The following SCUBE1 variants were observed in gnomAD, a reference collection of about 807,000 sequenced individuals.
SCUBE1 encodes the protein signal peptide, CUB and EGF-like domain-containing protein 1.
In SCUBE1, 59 loss-of-function variants were observed where a neutral mutation model predicts 124.4. That is an observed-to-expected ratio of 0.47 (90% CI 0.38 to 0.59). The LOEUF (loss-of-function observed/expected upper bound fraction) is 0.59, where lower values mean the gene tolerates loss of function less well. Ranked by LOEUF, SCUBE1 falls within the 20% of genes least tolerant of loss-of-function variation. The pLI is 0.00. For synonymous variants in SCUBE1, 545 were observed against 550.9 expected, an observed-to-expected ratio of 0.99 and a Z score of 0.15; for missense variants, 1,150 against 1,371.2, an observed-to-expected ratio of 0.84 and a Z score of 2.55.
chr22:43,297,709 TA>T (rs1176141322), intron 3 of SCUBE1, among the ~76,000 whole-genome samples: 1 of 152,238 alleles, frequency 6.6e-6, no homozygotes, highest in Non-Finnish European at 1.5e-5. Flanking sequence ...TGTTTGTTTT[TA>T]TTAATAGCTG....
Position 43,305,444 on chromosome 22 carries a change from G to A in SCUBE1, c.350-14264C>T, listed in dbSNP as rs190238393. ...ATGCAGGGAGCAGGTCCCTCTGCCC[G>A]GGGGGCTGGGGAAGAGGCTCAGGCG... On this transcript the variant is annotated intron_variant, in intron 3 of 21. Transcript: ENST00000360835. Among the ~76,000 whole-genome samples, 118 of 152,272 alleles carry A rather than the reference G, an allele frequency of 7.7e-4. No homozygotes were observed. The East Asian group carries it at 9.5e-3, about 12-fold the overall frequency.
chr22:43,254,028 C>G (rs754830305), intron 6 of SCUBE1, among the ~76,000 whole-genome samples: 1 of 152,374 alleles, frequency 6.6e-6, no homozygotes, highest in Admixed American at 6.5e-5. Context: ...GTGGTCATAC[C>G]TGTTGGCTGG....
At chr22:43,305,132 C>T (rs1388569113) in intron 3 of SCUBE1, among the ~76,000 whole-genome samples, 3 of 152,100 alleles carry the variant, frequency 2.0e-5, no homozygotes, top group Non-Finnish European at 2.9e-5. Context: ...GAAGAGAGTC[C>T]TGCCGGAATA....
chr22:43,322,317 C>T (rs1207709380), intron 2 of SCUBE1, among the ~76,000 whole-genome samples: 2 of 152,144 alleles, frequency 1.3e-5, no homozygotes, highest in African/African-American at 4.8e-5. Flanking sequence ...CTGATTACTT[C>T]CCAGTCTCTG....
chr22:43,264,474 C>G (rs928257681), intron 4 of SCUBE1, among the ~76,000 whole-genome samples: 2 of 152,140 alleles, frequency 1.3e-5, no homozygotes, highest in Non-Finnish European at 2.9e-5. Context: ...GACCGGGTGG[C>G]CAGAGGCGGC....
At chr22:43,222,573 A>G in intron 12 of SCUBE1, 65 bp downstream of exon 12, 1 of 1,264,930 alleles carries the variant, frequency 7.9e-7, no homozygotes, top group Non-Finnish European at 1.1e-6. Context: ...CTCCCCCGCC[A>G]GCATGTTGCT....
chr22:43,223,932 G>A (rs565740699), intron 10 of SCUBE1, among the ~76,000 whole-genome samples: 1 of 152,316 alleles, frequency 6.6e-6, no homozygotes, highest in South Asian at 2.1e-4. Context: ...CACAGGCCAT[G>A]CTTCTAGACT....
chr22:43,331,472 A>T (rs1476074545), intron 2 of SCUBE1, among the ~76,000 whole-genome samples: 2 of 152,222 alleles, frequency 1.3e-5, no homozygotes, highest in Non-Finnish European at 1.5e-5. Flanking sequence ...GGTTTAAAAA[A>T]TTAAGTACAC....
intron 4 of SCUBE1, among the ~76,000 whole-genome samples, chr22:43,267,390 C>T (rs963069545): frequency 6.6e-6 from 1 of 152,134 alleles, no homozygotes; most frequent in African/African-American, 2.4e-5. Flanking sequence ...ACAGATGAAG[C>T]GGGTTGTCTG....
At chr22:43,249,785 G>A (rs981784623) in intron 6 of SCUBE1, among the ~76,000 whole-genome samples, 2 of 152,238 alleles carry the variant, frequency 1.3e-5, no homozygotes, top group Non-Finnish European at 2.9e-5. Flanking sequence ...GTGCAGCCAC[G>A]CGGCCCAGAG....
At chr22:43,279,598 C>G (rs193170110) in intron 4 of SCUBE1, among the ~76,000 whole-genome samples, 2 of 152,206 alleles carry the variant, frequency 1.3e-5, no homozygotes, top group African/African-American at 4.8e-5. Flanking sequence ...TAGAAATTAC[C>G]CAGTCTCAGC....
chr22:43,339,597 CTACTCTCCT>C (rs1569037778), intron 1 of SCUBE1, among the ~76,000 whole-genome samples: 1,799 of 149,404 alleles, frequency 0.012, 76 homozygotes, highest in African/African-American at 0.043. Flanking sequence ...CAGCCCTCCC[CTACTCTCCT>C]CACTCTATCC....
Position 43,210,858 on chromosome 22 carries a change from C to T in SCUBE1, c.2383+64G>A. On this transcript the variant is annotated intron_variant, in intron 18 of 21. Transcript: ENST00000360835. The surrounding 1 kb of genome is among the most constrained non-coding windows in gnomAD (Gnocchi z 4.5). Reference sequence around the variant, plus strand: ...TCGTGTGAGATCAGGTCTCCTCCCGCCCCCACAACCTGCCCAGCCCCTCCC... The same window carrying T: ...TCGTGTGAGATCAGGTCTCCTCCCGTCCCCACAACCTGCCCAGCCCCTCCC... 1.3e-6 allele frequency: 2 copies of T among 1,583,864 alleles called. No individual in the cohort carries two copies. The highest frequency in any genetic ancestry group is 8.7e-7 in the Non-Finnish European group (1 of 1,155,900).
chr22:43,271,516 G>A (rs578102450), intron 4 of SCUBE1, among the ~76,000 whole-genome samples: 5 of 152,250 alleles, frequency 3.3e-5, no homozygotes, highest in Admixed American at 6.5e-5. Context: ...CCTGGCTGCC[G>A]TTCTGGCTCC....
chr22:43,307,416 G>A (rs1301477350), intron 3 of SCUBE1, among the ~76,000 whole-genome samples: 2 of 152,230 alleles, frequency 1.3e-5, no homozygotes, highest in Non-Finnish European at 2.9e-5. Flanking sequence ...GAGGAAAAGT[G>A]TTCGCCATGC....
At chr22:43,261,489 T>C (rs779924672) in intron 5 of SCUBE1, among the ~76,000 whole-genome samples, 1 of 152,136 alleles carries the variant, frequency 6.6e-6, no homozygotes, top group Non-Finnish European at 1.5e-5. Context: ...TTGGTGACTA[T>C]TCTAGGAGAC....
chr22:43,279,889 G>T (rs1924694619), intron 4 of SCUBE1, among the ~76,000 whole-genome samples: 2 of 152,186 alleles, frequency 1.3e-5, no homozygotes. Context: ...AGTACAGACG[G>T]CAGAAGAATC....
At position 43,343,293 on chromosome 22, in the gene SCUBE1, G is replaced by A; in HGVS notation, c.-32C>T. On this transcript the variant is annotated 5_prime_UTR_variant, in exon 1 of 22. In the 5' UTR this introduces an upstream ATG that the reference lacks. Coordinates refer to ENST00000360835, the MANE Select transcript of SCUBE1 (RefSeq NM_173050.5). ...TGCGGGCCCCGCTGGGCGTGCGGGC[G>A]TGCGGGGCGCGGGGACCCGACCGAC... 9.4e-7 allele frequency: 1 copy of A among 1,062,920 alleles called. No individual in the cohort carries two copies. Among genetic ancestry groups the A allele is most frequent in the Non-Finnish European group, 1.1e-6 (1 of 875,810 alleles). 65.8% of individuals were successfully genotyped at this position (1,062,920 alleles called of 1,614,324 possible).
intron 1 of SCUBE1, among the ~76,000 whole-genome samples, chr22:43,342,557 C>G (rs1399547383): frequency 2.0e-5 from 3 of 151,720 alleles, no homozygotes; most frequent in African/African-American, 7.3e-5. Context: ...GTCTCCTCCT[C>G]TCTCTCTCCC....
Sources: allele counts gnomAD v4.1 joint callset (sites outside exome capture counted in the v4.1 genomes callset), GRCh38; gene constraint gnomAD v4.1.1; non-coding constraint Gnocchi (gnomAD v3.1); transcripts MANE v1.5; gene names NCBI Gene and HGNC (gene_info 2026-07-23, HGNC 2026-07-21).